The following FRMD4B variants were observed in gnomAD, a reference collection of about 807,000 sequenced individuals.
FRMD4B encodes FERM domain-containing protein 4B.
Under a neutral mutation model 141.5 loss-of-function variants are expected in FRMD4B, and 74 were observed. The observed-to-expected ratio is 0.52, with a 90% confidence interval of 0.43 to 0.63. FRMD4B has a LOEUF of 0.63. Among genes scored for constraint, FRMD4B ranks in the 30% least tolerant of loss-of-function variants. The pLI, the probability that FRMD4B is intolerant of heterozygous loss-of-function variation, is 0.00. For missense variants in FRMD4B, 1,366 were observed against 1,253.4 expected (o/e 1.09, Z -1.36); for synonymous variants, 506 against 467.9 (o/e 1.08, Z -1.05).
At chr3:69,466,454 G>T (rs1705787869) in intron 1 of FRMD4B, among the ~76,000 whole-genome samples, 1 of 152,124 alleles carries the variant, frequency 6.6e-6, no homozygotes, top group African/African-American at 2.4e-5. Context: ...TGGAAAAACA[G>T]TCCTTATCTT....
At chr3:69,240,952 C>A (rs183114434) in intron 7 of FRMD4B, among the ~76,000 whole-genome samples, 1 of 152,286 alleles carries the variant, frequency 6.6e-6, no homozygotes, top group Non-Finnish European at 1.5e-5. Context: ...CCACGCATGC[C>A]TGTGTCTCAG....
intron 3 of FRMD4B, among the ~76,000 whole-genome samples, chr3:69,303,659 C>G (rs573839758): frequency 1.6e-4 from 24 of 152,232 alleles, no homozygotes; most frequent in Admixed American, 3.9e-4. Context: ...TGTGGTGGCT[C>G]ACATCTAGCA....
chr3:69,248,989 T>C (rs1463854865), intron 7 of FRMD4B, among the ~76,000 whole-genome samples: 1 of 152,226 alleles, frequency 6.6e-6, no homozygotes, highest in Admixed American at 6.5e-5. Flanking sequence ...AAACAGAACT[T>C]TGGAGAGCTT....
Position 69,385,978 on chromosome 3 carries a change from C to T in FRMD4B, c.12G>A (p.Val4=), listed in dbSNP as rs1704243133. 1 of 1,594,414 alleles carries T rather than the reference C, an allele frequency of 6.3e-7. No individual in the cohort carries two copies. The change falls in exon 1 of 23, where the codon GTG becomes GTA. Residue 4 remains valine (V), a synonymous_variant. Transcript: ENST00000398540. MAS[V]FMCGVEDLLF... is the part of the protein sequence containing the mutation. Reference sequence around the variant, plus strand: ...GCAGGTCCTCCACGCCACACATGAACACCGAAGCCATGCCTCCTCCTTCGC... The same window carrying T: ...GCAGGTCCTCCACGCCACACATGAATACCGAAGCCATGCCTCCTCCTTCGC...
At chr3:69,377,319 T>G (rs999801786) in intron 1 of FRMD4B, among the ~76,000 whole-genome samples, 36 of 152,192 alleles carry the variant, frequency 2.4e-4, no homozygotes, top group Admixed American at 1.3e-3. Flanking sequence ...TAGCTGAGTC[T>G]GTTGTGGTCC....
intron 1 of FRMD4B, among the ~76,000 whole-genome samples, chr3:69,435,731 A>G (rs903409156): frequency 2.6e-5 from 4 of 152,158 alleles, no homozygotes; most frequent in African/African-American, 9.7e-5. Flanking sequence ...CCAATCTTCA[A>G]GGGGAAGATA....
chr3:69,239,400 G>C lies in FRMD4B; in HGVS notation c.581+9826C>G, dbSNP rs535731449. Among the ~76,000 whole-genome samples the C allele has an allele frequency of 3.3e-5, 5 of 152,236 alleles. No individual in the cohort carries two copies. The East Asian group carries it at 9.6e-4, about 29-fold the overall frequency. On this transcript the variant is annotated intron_variant, in intron 7 of 22. Transcript: ENST00000398540. ...TCTGCATGCTTGATGGGGATCAACT[G>C]TCAAGCTATTTGTTTTTAGGTCTAA...
intron 1 of FRMD4B, among the ~76,000 whole-genome samples, chr3:69,530,951 C>G (rs753329676): frequency 2.6e-5 from 4 of 152,096 alleles, no homozygotes; most frequent in African/African-American, 9.7e-5. Context: ...TTAAAGCAAC[C>G]GGACAGACAG....
rs746337951 is a variant in FRMD4B, at chr3:69,200,974, G to C, written c.877-2200C>G. On this transcript the variant is annotated intron_variant, in intron 11 of 22. Transcript: ENST00000398540. ...TCACTTACAAATGTGAAACCCTAGC[G>C]CTTTGGACTCCATTCAGCCTGTCCC... 1.1e-4 allele frequency: 43 copies of C among 397,736 alleles called. 1 individual carries two copies. Among genetic ancestry groups the C allele is most frequent in the Non-Finnish European group, 1.8e-4 (36 of 196,724 alleles). 24.6% of individuals were successfully genotyped at this position (397,736 alleles called of 1,614,324 possible). A position where few individuals can be genotyped will look rare whatever the true frequency, so the allele number is the denominator to read the frequency against.
intron 1 of FRMD4B, among the ~76,000 whole-genome samples, chr3:69,494,583 A>G (rs1401639363): frequency 6.6e-6 from 1 of 152,140 alleles, no homozygotes; most frequent in Non-Finnish European, 1.5e-5. Context: ...CAAAGTCACA[A>G]CAGAGAATAG....
chr3:69,521,778 C>G (rs539767217), intron 1 of FRMD4B, among the ~76,000 whole-genome samples: 31 of 152,296 alleles, frequency 2.0e-4, no homozygotes, highest in Middle Eastern at 6.8e-3. Context: ...AATACCCACC[C>G]CGCAGACATT....
intron 7 of FRMD4B, among the ~76,000 whole-genome samples, chr3:69,241,649 A>T (rs1167046802): frequency 6.6e-6 from 1 of 152,058 alleles, no homozygotes; most frequent in African/African-American, 2.4e-5. Context: ...TAATCCCAGC[A>T]CTCTTGGGAA....
At chr3:69,456,767 T>G (rs922332921) in intron 1 of FRMD4B, among the ~76,000 whole-genome samples, 4 of 151,994 alleles carry the variant, frequency 2.6e-5, no homozygotes, top group African/African-American at 7.3e-5. Context: ...GTCTGTACAT[T>G]ATTAGTGCTT....
chr3:69,417,181 GCTC>G (rs1323097150), intron 2 of FRMD4B, among the ~76,000 whole-genome samples: 1 of 152,140 alleles, frequency 6.6e-6, no homozygotes, highest in African/African-American at 2.4e-5. Flanking sequence ...GTGTAAAAGG[GCTC>G]CTATTTCTCC....
intron 2 of FRMD4B, among the ~76,000 whole-genome samples, chr3:69,395,934 A>T (rs1704466924): frequency 6.6e-6 from 1 of 152,184 alleles, no homozygotes; most frequent in Non-Finnish European, 1.5e-5. Context: ...TTCTGAAGGG[A>T]CTAGCATCAG....
At chr3:69,487,749 G>T (rs1706240818) in intron 1 of FRMD4B, among the ~76,000 whole-genome samples, 1 of 152,200 alleles carries the variant, frequency 6.6e-6, no homozygotes, top group African/African-American at 2.4e-5. Flanking sequence ...CAGTTGGAGT[G>T]CTAGCCACAT....
chr3:69,211,089 G>T lies in FRMD4B; in HGVS notation c.876+5174C>A, dbSNP rs1336490797. On this transcript the variant is annotated intron_variant, in intron 11 of 22. Coordinates refer to ENST00000398540, the MANE Select transcript of FRMD4B (RefSeq NM_015123.3). ...CTTAGTACACTAAAGCTGTGGGCTT[G>T]TAGCAATGTTGTGTCCCTCTCTAAC... Among the ~76,000 whole-genome samples, 6 of 150,192 alleles carry T rather than the reference G, an allele frequency of 4.0e-5. No homozygotes were observed. The Admixed American group carries it at 4.0e-4, about 10-fold the overall frequency.
At chr3:69,274,222 C>A (rs1419814537) in intron 5 of FRMD4B, among the ~76,000 whole-genome samples, 1 of 152,058 alleles carries the variant, frequency 6.6e-6, no homozygotes, top group East Asian at 1.9e-4. Flanking sequence ...ATATAAATAG[C>A]AAAATGGAGT....
chr3:69,431,188 C>T lies in FRMD4B; in HGVS notation c.-1+1446G>A, dbSNP rs140545166. On this transcript the variant is annotated intron_variant, in intron 2 of 5. Transcript: ENST00000459638. ...AGGTCAAGTCTAGCCTTACAGATTA[C>T]AGCAAAGAGTTTAAGATGGTCTTAT... Among the ~76,000 whole-genome samples the T allele has an allele frequency of 4.4e-3, 674 of 152,336 alleles. 4 individuals carry two copies. Among genetic ancestry groups the T allele is most frequent in the South Asian group, 0.022 (108 of 4,826 alleles).
Sources: gnomAD v4.1 joint callset for allele counts (sites outside exome capture counted in the v4.1 genomes callset) on GRCh38, gnomAD v4.1.1 for gene constraint, MANE v1.5 for transcripts, NCBI Gene and HGNC (gene_info 2026-07-23, HGNC 2026-07-21) for gene names.